ERLIN1: variants seen among roughly 807,000 people sequenced by gnomAD.
ERLIN1 encodes the protein erlin-1.
ERLIN1 carries 24 observed loss-of-function variants against 46.9 expected under a neutral mutation model. The observed-to-expected ratio is 0.51, with a 90% CI of 0.37 to 0.72. The LOEUF (loss-of-function observed/expected upper bound fraction) is 0.72. Among genes scored for constraint, ERLIN1 ranks in the 30% least tolerant of loss-of-function variants. The probability of loss-of-function intolerance (pLI) is 0.00; values close to 1 mark genes in which losing one functional copy is unlikely to be tolerated. For missense variants in ERLIN1, 293 were observed against 417.9 expected (o/e 0.70, Z 2.61); for synonymous variants, 158 against 143.2 (o/e 1.10, Z -0.74).
chr10:100,162,885 C>T (rs1399233669), intron 8 of ERLIN1, among the ~76,000 whole-genome samples: 1 of 152,122 alleles, frequency 6.6e-6, no homozygotes, highest in Non-Finnish European at 1.5e-5. Flanking sequence ...AGTAATGCTA[C>T]TCTATGGAAA....
At chr10:100,176,414 A>G (rs1005730504) in intron 4 of ERLIN1, among the ~76,000 whole-genome samples, 6 of 152,204 alleles carry the variant, frequency 3.9e-5, no homozygotes, top group African/African-American at 1.4e-4. Flanking sequence ...TTTGGCCAGC[A>G]GTGTGAAGAT....
chr10:100,156,526 GA>G (rs902700876), intron 8 of ERLIN1, among the ~76,000 whole-genome samples: 2 of 152,028 alleles, frequency 1.3e-5, no homozygotes, highest in East Asian at 1.9e-4. Context: ...AAGCTAATGG[GA>G]AAAAAAGATA....
At chr10:100,155,045 T>C in intron 9 of ERLIN1, 106 bp from the exon 10 acceptor site, 1 of 936,040 alleles carries the variant, frequency 1.1e-6, no homozygotes, top group Non-Finnish European at 1.6e-6. Context: ...TTGAAAGTTT[T>C]AAAAACCTAT....
intron 6 of ERLIN1, among the ~76,000 whole-genome samples, chr10:100,172,028 C>A (rs1844030384): frequency 6.6e-6 from 1 of 152,148 alleles, no homozygotes; most frequent in Non-Finnish European, 1.5e-5. Flanking sequence ...CCAAACAGGG[C>A]ATACACTTTG....
chr10:100,152,147 T>C lies in ERLIN1; in HGVS notation c.1031A>G (p.Lys344Arg). Reference protein sequence around the residue: ...EPSGENVIQNKESTG With the variant: ...EPSGENVIQNRESTG Reference sequence around the variant, plus strand: ...CCTCTTGCATCAACCTGTGCTCTCTTTGTTTTGGATGACGTTCTCTCCAGA... The same window carrying C: ...CCTCTTGCATCAACCTGTGCTCTCTCTGTTTTGGATGACGTTCTCTCCAGA... Residue 344 changes from lysine to arginine, a missense_variant, in exon 11 of 11, where the codon AAA (lysine) becomes AGA (arginine). Around this residue, in one of 3 missense-constraint regions of ERLIN1, gnomAD observed 69 missense variants for 74.5 expected, o/e 0.93. Coordinates refer to ENST00000421367, the MANE Select transcript of ERLIN1 (RefSeq NM_006459.4). 6.2e-7 allele frequency: 1 copy of C among 1,611,428 alleles called. No individual in the cohort carries two copies. Among genetic ancestry groups the C allele is most frequent in the South Asian group, 1.1e-5 (1 of 91,020 alleles).
In ERLIN1 at chr10:100,154,920, T is replaced by G. The variant is rs1166727867; in HGVS notation, c.765A>C (p.Arg255=). ...SEIEDAAFLA[R]EKAKADAEYY... is the part of the protein sequence containing the mutation. ...ATTCAGCATCTGCTTTCGCTTTCTC[T>G]CGGGCCAGGAATGCAGCATCTAGCA... Residue 255 remains arginine (R), a synonymous_variant, in exon 10 of 11, where the codon CGA becomes CGC. Coordinates refer to ENST00000421367, the MANE Select transcript of ERLIN1 (RefSeq NM_006459.4). The G allele has an allele frequency of 1.2e-6, 2 of 1,613,756 alleles. No individual in the cohort carries two copies. Among genetic ancestry groups the G allele is most frequent in the East Asian group, 4.5e-5 (2 of 44,890 alleles).
chr10:100,156,887 T>G (rs1481820908), intron 8 of ERLIN1, among the ~76,000 whole-genome samples: 2 of 151,992 alleles, frequency 1.3e-5, no homozygotes, highest in African/African-American at 4.8e-5. Context: ...TGATGGTGCG[T>G]GCCTATAGTC....
At chr10:100,162,656 T>G (rs770346517) in intron 8 of ERLIN1, among the ~76,000 whole-genome samples, 142 of 152,284 alleles carry the variant, frequency 9.3e-4, no homozygotes, top group Non-Finnish European at 1.7e-3. Flanking sequence ...AATTGTAAAC[T>G]ATAACAAAAA....
At chr10:100,184,481 G>A (rs1463557355) in intron 1 of ERLIN1, among the ~76,000 whole-genome samples, 2 of 152,150 alleles carry the variant, frequency 1.3e-5, no homozygotes, top group Non-Finnish European at 2.9e-5. Flanking sequence ...GAGGCATTTG[G>A]GGAGCAAAGA....
intron 10 of ERLIN1, 103 bp from the exon 11 acceptor site, chr10:100,152,455 G>T: frequency 1.3e-6 from 1 of 744,868 alleles, no homozygotes; most frequent in Non-Finnish European, 2.4e-6. Context: ...AGTATCATGA[G>T]TCAAGTCTGA....
chr10:100,169,578 T>C (rs749976584), intron 6 of ERLIN1, among the ~76,000 whole-genome samples: 45 of 151,282 alleles, frequency 3.0e-4, no homozygotes, highest in Non-Finnish European at 5.6e-4. Flanking sequence ...AAGTTGTAGA[T>C]ATAAGATAAA....
intron 4 of ERLIN1, among the ~76,000 whole-genome samples, chr10:100,176,360 A>G (rs1239326393): frequency 6.6e-6 from 1 of 152,192 alleles, no homozygotes; most frequent in African/African-American, 2.4e-5. Context: ...GTAATAAGGA[A>G]CTATCAAAGG....
Position 100,168,870 on chromosome 10 carries a change from G to A in ERLIN1, c.505-1464C>T, listed in dbSNP as rs190549434. On this transcript the variant is annotated intron_variant, in intron 6 of 10. Coordinates refer to ENST00000421367, the MANE Select transcript of ERLIN1 (RefSeq NM_006459.4). The stretch of plus-strand genomic sequence containing the variant: ...AATTTTTGTATTGTTTTTTAGTAGA[G>A]ACAGGGTTTCACTGTGTTGGTCAAG... Among the ~76,000 whole-genome samples, 3 of 152,126 alleles carry A rather than the reference G, an allele frequency of 2.0e-5. No individual in the cohort carries two copies. The East Asian group carries it at 5.8e-4, about 29-fold the overall frequency.
rs185104669 is a variant in ERLIN1, at chr10:100,170,602, T to C, written c.505-3196A>G. On this transcript the variant is annotated intron_variant, in intron 6 of 10. Coordinates refer to ENST00000421367, the MANE Select transcript of ERLIN1 (RefSeq NM_006459.4). ...ACATGTCAAGGTTAGAGTTGGTAGC[T>C]TGGCTTGAGATGACAGTGAAGATGG... 1.9e-3 allele frequency among the ~76,000 whole-genome samples: 291 copies of C among 152,308 alleles called. 2 individuals carry two copies. The highest frequency in any genetic ancestry group is 6.8e-3 in the African/African-American group (283 of 41,562).
intron 9 of ERLIN1, among the ~76,000 whole-genome samples, chr10:100,155,798 G>C (rs1324047295): frequency 6.6e-6 from 1 of 152,186 alleles, no homozygotes; most frequent in African/African-American, 2.4e-5. Context: ...ACAGGCGTGA[G>C]CCACGGCGCC....
intron 6 of ERLIN1, among the ~76,000 whole-genome samples, chr10:100,173,135 A>AC (rs1229344843): frequency 2.0e-5 from 3 of 152,220 alleles, no homozygotes; most frequent in African/African-American, 7.2e-5. Context: ...AAGCACGAAC[A>AC]CATACAATCA....
chr10:100,155,505 T>C (rs2134102807), intron 9 of ERLIN1, among the ~76,000 whole-genome samples: 3 of 133,424 alleles, frequency 2.2e-5, no homozygotes, highest in Admixed American at 2.2e-4. Flanking sequence ...ATGGGGTTTA[T>C]TTATTTTTAA....
rs1371863956 is a variant in ERLIN1, at chr10:100,156,135, C to G, written c.745+10G>C. 6 of 1,593,314 alleles carry G rather than the reference C, an allele frequency of 3.8e-6. No individual in the cohort carries two copies. In the Admixed American group the frequency reaches 1.0e-4, roughly 27 times the overall value. ...GACAGGCAGAGCTTCATCCTCTCCCCACAATGTACCTTCGATTTCAGAAAT... is the reference window on the plus strand; with the variant it reads ...GACAGGCAGAGCTTCATCCTCTCCCGACAATGTACCTTCGATTTCAGAAAT... On this transcript the variant is annotated intron_variant, in intron 9 of 10. Transcript: ENST00000421367.
chr10:100,151,491 T>C lies in ERLIN1; in HGVS notation c.*640A>G, dbSNP rs1422847454. 2 of 158,450 alleles carry C rather than the reference T, an allele frequency of 1.3e-5. No homozygotes were observed. The highest frequency in any genetic ancestry group is 2.8e-5 in the Non-Finnish European group (2 of 71,272). 9.8% of individuals were successfully genotyped at this position (158,450 alleles called of 1,614,324 possible). On this transcript the variant is annotated 3_prime_UTR_variant, in exon 11 of 11. Transcript: ENST00000421367. ...AATACAAGAAACTAGTGATTAGGAA[T>C]CTCTATGAGGAATCTGGTTGGGTAG...
Sources: gnomAD v4.1 joint callset for allele counts (sites outside exome capture counted in the v4.1 genomes callset) on GRCh38, gnomAD v4.1.1 for gene constraint, gnomAD v4.1.1 regional missense constraint, MANE v1.5 for transcripts, NCBI Gene and HGNC (gene_info 2026-07-23, HGNC 2026-07-21) for gene names.